The following CD6 variants were observed in gnomAD, a reference collection of about 807,000 sequenced individuals.
The protein encoded by CD6 is CD6 molecule.
In CD6, 53 loss-of-function variants were observed where a neutral mutation model predicts 75.3. The ratio of observed to expected loss-of-function variants is 0.70; its 90% CI spans 0.56 to 0.88. The LOEUF is 0.88. Ranked by LOEUF, CD6 falls within the 40% of genes least tolerant of loss-of-function variation. The pLI is 0.00. For missense variants in CD6, 770 were observed against 897.1 expected (o/e 0.86, Z 1.81); for synonymous variants, 359 against 381.5 (o/e 0.94, Z 0.69).
chr11:60,984,068 G>T (rs1857695127), intron 1 of CD6, among the ~76,000 whole-genome samples: 1 of 151,954 alleles, frequency 6.6e-6, no homozygotes, highest in African/African-American at 2.4e-5. Flanking sequence ...GGTCTAACTT[G>T]CTTGGCTAAG....
chr11:60,997,807 ATGAAT>A (rs1022298876), intron 1 of CD6, among the ~76,000 whole-genome samples: 1 of 149,362 alleles, frequency 6.7e-6, no homozygotes, highest in Non-Finnish European at 1.5e-5. Context: ...TTAAATAGAA[ATGAAT>A]TGAATTAAAT....
chr11:60,979,217 G>A (rs866005915), intron 1 of CD6, among the ~76,000 whole-genome samples: 10 of 152,266 alleles, frequency 6.6e-5, no homozygotes, highest in Admixed American at 3.3e-4. Context: ...CAAACTCCTA[G>A]CCTTGCAGCC....
intron 1 of CD6, among the ~76,000 whole-genome samples, chr11:60,977,486 T>A (rs569323926): frequency 1.3e-5 from 2 of 152,312 alleles, no homozygotes; most frequent in East Asian, 3.9e-4. Context: ...CATCCTGTCC[T>A]CGGCACTGGC....
At chr11:60,976,563 G>C (rs1462524633) in intron 1 of CD6, among the ~76,000 whole-genome samples, 1 of 152,078 alleles carries the variant, frequency 6.6e-6, no homozygotes, top group Non-Finnish European at 1.5e-5. Context: ...ATCTTCCTGG[G>C]TTTAAAAGCC....
intron 1 of CD6, among the ~76,000 whole-genome samples, chr11:60,975,404 T>G (rs190034662): frequency 6.6e-6 from 1 of 152,356 alleles, no homozygotes; most frequent in East Asian, 1.9e-4. Flanking sequence ...TTTCAACAAA[T>G]TTTATGTGAT....
At chr11:61,012,421 T>G (rs985543310) in intron 6 of CD6, among the ~76,000 whole-genome samples, 17 of 152,180 alleles carry the variant, frequency 1.1e-4, no homozygotes, top group African/African-American at 4.1e-4. Context: ...CTCTCACATC[T>G]GCTTCCTGCT....
intron 1 of CD6, among the ~76,000 whole-genome samples, chr11:60,991,913 C>T (rs1858081174): frequency 6.6e-6 from 1 of 151,792 alleles, no homozygotes. Context: ...CAAAGGATCT[C>T]ACTCTGTTGC....
Position 61,019,469 on chromosome 11 carries a change from A to G in CD6, c.*151A>G. 1.8e-6 allele frequency: 1 copy of G among 549,442 alleles called. No individual in the cohort carries two copies. The highest frequency in any genetic ancestry group is 3.1e-5 in the East Asian group (1 of 32,242). 34.0% of individuals were successfully genotyped at this position (549,442 alleles called of 1,614,324 possible). A position where few individuals can be genotyped will look rare whatever the true frequency, so the allele number is the denominator to read the frequency against. On this transcript the variant is annotated 3_prime_UTR_variant, in exon 13 of 13. Transcript: ENST00000313421. ...GATGGAAGGAAACGTTATACCTTGT[A>G]CCCCTCGGTCTCCATCCATCAAGCC... is the stretch of plus-strand genomic sequence containing the variant.
rs1455675328 is a variant in CD6, at chr11:61,020,328, T to C, written c.*1010T>C. The C allele has an allele frequency of 2.5e-6, 1 of 398,910 alleles. No homozygotes were observed. Among genetic ancestry groups the C allele is most frequent in the Non-Finnish European group, 4.4e-6 (1 of 226,070 alleles). 24.7% of individuals were successfully genotyped at this position (398,910 alleles called of 1,614,324 possible). On this transcript the variant is annotated 3_prime_UTR_variant, in exon 13 of 13. Transcript: ENST00000313421. ...AGGCCCATGGGCTCAGACCAGGCTT[T>C]GTTGTCCTGCTCTGAGTATCCTGAG...
rs1310141817 is a variant in CD6 at position 61,007,946 on chromosome 11, C to T, written c.469+36C>T. On this transcript the variant is annotated intron_variant, in intron 3 of 12. Coordinates refer to ENST00000313421, the MANE Select transcript of CD6 (RefSeq NM_006725.5). This position sits in a 1 kb window ranked among gnomAD's most constrained non-coding sequence, Gnocchi z 4.2. ...ACCCCCTACACGGGCCCCCACCTGC[C>T]CCACTCCCCAGGCCTTCAGCCACTG... 2.4e-6 allele frequency: 3 copies of T among 1,253,224 alleles called. No individual in the cohort carries two copies. Among genetic ancestry groups the T allele is most frequent in the Non-Finnish European group, 3.0e-6 (3 of 984,536 alleles). 77.6% of individuals were successfully genotyped at this position (1,253,224 alleles called of 1,614,324 possible).
chr11:60,979,610 C>T (rs1285356336), intron 1 of CD6, among the ~76,000 whole-genome samples: 1 of 152,006 alleles, frequency 6.6e-6, no homozygotes, highest in African/African-American at 2.4e-5. Flanking sequence ...GGACCATAGG[C>T]ACCCACCACC....
Position 61,013,956 on chromosome 11 carries a change from C to G in CD6, c.1329C>G (p.Thr443=), listed in dbSNP as rs1362738624. The G allele has an allele frequency of 1.9e-6, 3 of 1,613,786 alleles. No individual in the cohort carries two copies. Among genetic ancestry groups the G allele is most frequent in the Non-Finnish European group, 2.5e-6 (3 of 1,179,888 alleles). ...TGGTGAACCACCAGCACCTACCCAC[C>G]ACCATCCCGGCAGGGAGCAATAGCT... The part of the protein sequence containing the change: ...PVMVNHQHLP[T]TIPAGSNSYQ... The change falls in exon 8 of 13, where the codon ACC becomes ACG. Residue 443 remains threonine, a synonymous_variant. Coordinates refer to ENST00000313421, the MANE Select transcript of CD6 (RefSeq NM_006725.5).
chr11:61,009,729 G>C lies in CD6; in HGVS notation c.939G>C (p.Glu313Asp), dbSNP rs371204521. 6.2e-7 allele frequency: 1 copy of C among 1,614,118 alleles called. No homozygotes were observed. The highest frequency in any genetic ancestry group is 1.7e-5 in the Admixed American group (1 of 60,028). The change falls in exon 5 of 13, where the codon GAG becomes GAC. Residue 313 changes from glutamate to aspartate, a missense_variant. Transcript: ENST00000313421. The part of the protein sequence containing the change: ...CQSLGCGTAV[E>D]RPKGLPHSLS... ...CCTTGGGCTGTGGAACTGCGGTTGA[G>C]AGGCCCAAGGGGCTGCCCCACTCCT...
Position 61,008,730 on chromosome 11 carries a change from T to C in CD6, c.666T>C (p.Pro222=), listed in dbSNP as rs1376166518. 1 of 1,608,724 alleles carries C rather than the reference T, an allele frequency of 6.2e-7. No individual in the cohort carries two copies. Reference sequence around the variant, plus strand: ...TGCACTTCACGCCCGGCCGCGGGCCTATCCACCGGGACCAGGTGAACTGCT... The same window carrying C: ...TGCACTTCACGCCCGGCCGCGGGCCCATCCACCGGGACCAGGTGAACTGCT... ...PGLHFTPGRG[P]IHRDQVNCSG... Residue 222 remains proline, a synonymous_variant, in exon 4 of 13, where the codon CCT becomes CCC. Coordinates refer to ENST00000313421, the MANE Select transcript of CD6 (RefSeq NM_006725.5).
rs147339093 is a variant in CD6 at position 61,019,432 on chromosome 11, C to T, written c.*114C>T. ...TCACCTCCCCATGGAGCTGAGAGGC[C>T]TCCCTTGGAGAGATGGAAGGAAACG... On this transcript the variant is annotated 3_prime_UTR_variant, in exon 13 of 13. Transcript: ENST00000313421. The T allele has an allele frequency of 3.6e-4, 281 of 787,654 alleles. 1 individual carries two copies. The African/African-American group carries it at 4.1e-3, about 11-fold the overall frequency. 48.8% of individuals were successfully genotyped at this position (787,654 alleles called of 1,614,324 possible).
intron 1 of CD6, among the ~76,000 whole-genome samples, chr11:60,998,928 G>T (rs1590699145): frequency 6.6e-6 from 1 of 151,746 alleles, no homozygotes; most frequent in African/African-American, 2.4e-5. Context: ...GGAGGCCAAG[G>T]CAGGCGGATC....
At chr11:61,011,167 A>T in intron 6 of CD6, 32 bp downstream of exon 6, 1 of 1,264,286 alleles carries the variant, frequency 7.9e-7, no homozygotes, top group Non-Finnish European at 1.1e-6. Flanking sequence ...GCGGTTTCTC[A>T]GAAGCTTGGA....
chr11:60,990,898 A>G (rs1858034898), intron 1 of CD6, among the ~76,000 whole-genome samples: 1 of 151,970 alleles, frequency 6.6e-6, no homozygotes, highest in Non-Finnish European at 1.5e-5. Context: ...CTGCAATGGA[A>G]TAATCCAGCC....
At chr11:61,008,364 C>G (rs1433182902) in intron 3 of CD6, 170 bp from the exon 4 acceptor site, 1 of 654,488 alleles carries the variant, frequency 1.5e-6, no homozygotes, top group East Asian at 2.8e-5. Context: ...GCCTGCGGCT[C>G]TACCTAACCC....
Sources: gnomAD v4.1 joint callset for allele counts (sites outside exome capture counted in the v4.1 genomes callset) on GRCh38, gnomAD v4.1.1 for gene constraint, Gnocchi (gnomAD v3.1) non-coding constraint, MANE v1.5 for transcripts, NCBI Gene and HGNC (gene_info 2026-07-23, HGNC 2026-07-21) for gene names.